Variants in SEMA6B observed in about 807,000 individuals in gnomAD.
SEMA6B encodes semaphorin-6B.
A neutral mutation model predicts 78.6 loss-of-function variants in SEMA6B; 47 were observed. The observed-to-expected ratio is 0.60, with a 90% CI of 0.47 to 0.76. SEMA6B has a LOEUF of 0.76. SEMA6B is among the 30% of genes least tolerant of loss of function. The pLI, the probability that SEMA6B is intolerant of heterozygous loss-of-function variation, is 0.00. For synonymous variants in SEMA6B, 632 were observed against 592.2 expected, an observed-to-expected ratio of 1.07 and a Z score of -0.98; for missense variants, 1,213 against 1,269.9, an observed-to-expected ratio of 0.96 and a Z score of 0.68.
chr19:4,546,327 C>T (rs746016411), intron 15 of SEMA6B, 53 bp from the exon 16 acceptor site: 544 of 1,603,900 alleles, frequency 3.4e-4, no homozygotes, highest in Non-Finnish European at 4.4e-4. Flanking sequence ...AGTCAGAGAT[C>T]AGGGGGATCT....
In SEMA6B at chr19:4,556,087, G is replaced by A. The variant is rs924360166; in HGVS notation, c.372C>T (p.Gly124=). The change falls in exon 6 of 17, where the codon GGC becomes GGT. Residue 124 remains glycine, a splice_region_variant and synonymous_variant. Coordinates refer to ENST00000586582, the MANE Select transcript of SEMA6B (RefSeq NM_032108.4). ...NVCRMKGKQE[G]ECRNFVKVLL... Reference sequence around the variant, plus strand: ...GCACCTTTACGAAGTTTCGACACTCGCCCTGAGGTGGGGACAGGAGGAAGC... The same window carrying A: ...GCACCTTTACGAAGTTTCGACACTCACCCTGAGGTGGGGACAGGAGGAAGC... 4 of 1,611,632 alleles carry A rather than the reference G, an allele frequency of 2.5e-6. No individual in the cohort carries two copies. The highest frequency in any genetic ancestry group is 2.2e-5 in the East Asian group (1 of 44,862).
In SEMA6B at chr19:4,555,190, G is replaced by A; in HGVS notation, c.563-95C>T. On this transcript the variant is annotated intron_variant, in intron 7 of 16. Transcript: ENST00000586582. The surrounding 1 kb of genome is among the most constrained non-coding windows in gnomAD (Gnocchi z 6.1). ...ACTCGATTTTCTGAGACTGAGTCCT[G>A]AGCCTAGGGGAGCCCCTGTCTCCAG... 7.7e-7 allele frequency: 1 copy of A among 1,291,090 alleles called. No individual in the cohort carries two copies. The highest frequency in any genetic ancestry group is 1.3e-5 in the South Asian group (1 of 75,446). The allele number at this position is 1,291,090 out of a possible 1,614,324, so 80.0% of individuals were successfully genotyped here.
rs1304485052 is a variant in SEMA6B, at chr19:4,552,652, G to A, written c.772-13C>T. 1 of 1,587,540 alleles carries A rather than the reference G, an allele frequency of 6.3e-7. No individual in the cohort carries two copies. The highest frequency in any genetic ancestry group is 1.3e-5 in the African/African-American group (1 of 74,592). ...GGGACACCACCACCTGGGCGTGACA[G>A]TGGACGGACGGGGGCCTGAGCTCTG... On this transcript the variant is annotated splice_polypyrimidine_tract_variant and intron_variant, in intron 9 of 16. Transcript: ENST00000586582. The surrounding 1 kb of genome is among the most constrained non-coding windows in gnomAD (Gnocchi z 7.4).
chr19:4,556,473 T>A (rs1236504709), intron 5 of SEMA6B, among the ~76,000 whole-genome samples: 1 of 89,868 alleles, frequency 1.1e-5, no homozygotes, highest in African/African-American at 4.3e-5. Context: ...GTTGGGAGCG[T>A]GGCCAGAGCT....
rs903632668 is a variant in SEMA6B, at chr19:4,542,652, G to C, written c.*949C>G. On this transcript the variant is annotated 3_prime_UTR_variant, in exon 17 of 17. Transcript: ENST00000586582. ...GCTGGGGGAGGCAAACTCCAGAGAG[G>C]GCAGAGGACCCAGCCAGCCACGTGG... 1.5e-5 allele frequency: 9 copies of C among 590,466 alleles called. No homozygotes were observed. The Admixed American group carries it at 1.7e-4, about 11-fold the overall frequency. 36.6% of individuals were successfully genotyped at this position (590,466 alleles called of 1,614,324 possible). A position where few individuals can be genotyped will look rare whatever the true frequency, so the allele number is the denominator to read the frequency against.
At position 4,543,674 on chromosome 19, in the gene SEMA6B, G is replaced by C. The variant is rs754523311; in HGVS notation, c.2594C>G (p.Ala865Gly). ...RPGDRHRGCH[A>G]RPGTDLAHLL... Reference sequence around the variant, plus strand: ...GTGGGCCAAGTCTGTGCCCGGCCGGGCGTGGCAGCCGCGGTGGCGGTCCCC... The same window carrying C: ...GTGGGCCAAGTCTGTGCCCGGCCGGCCGTGGCAGCCGCGGTGGCGGTCCCC... The change falls in exon 17 of 17, where the codon GCC (alanine) becomes GGC (glycine). Residue 865 changes from alanine to glycine, a missense_variant. Ala to Gly is a moderately conservative substitution (Grantham distance 60). Coordinates refer to ENST00000586582, the MANE Select transcript of SEMA6B (RefSeq NM_032108.4). 4.6e-5 allele frequency: 57 copies of C among 1,230,756 alleles called. No homozygotes were observed. The highest frequency in any genetic ancestry group is 5.6e-5 in the Non-Finnish European group (55 of 987,320). The allele number at this position is 1,230,756 out of a possible 1,614,324, so 76.2% of individuals were successfully genotyped here. A position where few individuals can be genotyped will look rare whatever the true frequency, so the allele number is the denominator to read the frequency against.
In SEMA6B at chr19:4,555,847, G is replaced by C; in HGVS notation, c.471+141C>G. ...ACAGCGCTGACTCCTCTTGAGCTCA[G>C]GGGGAGGAGGCAGGGAGAGTATATC... On this transcript the variant is annotated intron_variant, in intron 6 of 16. Transcript: ENST00000586582. The surrounding 1 kb of genome is among the most constrained non-coding windows in gnomAD (Gnocchi z 6.1). 1 of 738,040 alleles carries C rather than the reference G, an allele frequency of 1.4e-6. No homozygotes were observed. 45.7% of individuals were successfully genotyped at this position (738,040 alleles called of 1,614,324 possible).
chr19:4,552,522 C>A lies in SEMA6B; in HGVS notation c.889G>T (p.Asp297Tyr). Residue 297 changes from aspartate to tyrosine, a missense_variant, in exon 10 of 17, where the codon GAC becomes TAC. By Grantham distance (160) the Asp-to-Tyr change is radical (BLOSUM62 -3). Coordinates refer to ENST00000586582, the MANE Select transcript of SEMA6B (RefSeq NM_032108.4). This position sits in a 1 kb window ranked among gnomAD's most constrained non-coding sequence, Gnocchi z 7.4. ...AGCACGTTGAAGTAGAAATGGGAGT[C>A]TCCGGGTACAGAGCAGTTGAGCCGC... ...KARLNCSVPG[D>Y]SHFYFNVLQA... is the part of the protein sequence containing the mutation. 6.2e-7 allele frequency: 1 copy of A among 1,612,864 alleles called. No homozygotes were observed. The highest frequency in any genetic ancestry group is 1.3e-5 in the African/African-American group (1 of 75,060).
chr19:4,550,035 C>G lies in SEMA6B; in HGVS notation c.1271+88G>C, dbSNP rs558574771. 1.5e-6 allele frequency: 2 copies of G among 1,360,974 alleles called. No individual in the cohort carries two copies. The highest frequency in any genetic ancestry group is 2.5e-4 in the Middle Eastern group (1 of 3,990). The allele number at this position is 1,360,974 out of a possible 1,614,324, so 84.3% of individuals were successfully genotyped here. The stretch of plus-strand genomic sequence containing the variant: ...TCTGGGCAGCGCCGGAAGCCATGGG[C>G]TCATCTGTGTTGAGCATCTGGATCC... On this transcript the variant is annotated intron_variant, in intron 12 of 16. Coordinates refer to ENST00000586582, the MANE Select transcript of SEMA6B (RefSeq NM_032108.4). The surrounding 1 kb of genome is among the most constrained non-coding windows in gnomAD (Gnocchi z 6.6).
chr19:4,548,002 C>T (rs376276934), intron 14 of SEMA6B, 25 bp downstream of exon 14: 207 of 1,519,126 alleles, frequency 1.4e-4, no homozygotes, highest in Non-Finnish European at 1.7e-4. Context: ...TTCCCGCCCA[C>T]GGCTGGCCTG....
chr19:4,551,771 G>A (rs1977339079), intron 10 of SEMA6B, among the ~76,000 whole-genome samples: 1 of 151,714 alleles, frequency 6.6e-6, no homozygotes, highest in Non-Finnish European at 1.5e-5. Context: ...AGAGGTTGTG[G>A]TGAGCCGAGA....
rs996356348 is a variant in SEMA6B, at chr19:4,543,220, C to G, written c.*381G>C. ...AGGGCTTAGGTCTGCAGCTGTGGCC[C>G]CCCATTCCCCACCGGCGTCCAAGCC... On this transcript the variant is annotated 3_prime_UTR_variant, in exon 17 of 17. Coordinates refer to ENST00000586582, the MANE Select transcript of SEMA6B (RefSeq NM_032108.4). 28 of 546,994 alleles carry G rather than the reference C, an allele frequency of 5.1e-5. No homozygotes were observed. Among genetic ancestry groups the G allele is most frequent in the Non-Finnish European group, 1.3e-5 (4 of 307,812 alleles). The allele number at this position is 546,994 out of a possible 1,614,324, so 33.9% of individuals were successfully genotyped here.
chr19:4,551,816 T>C (rs1485132347), intron 10 of SEMA6B, among the ~76,000 whole-genome samples: 9 of 130,826 alleles, frequency 6.9e-5, no homozygotes, highest in African/African-American at 2.5e-4. Context: ...GCAACAAGAG[T>C]GAAACTGTCT....
chr19:4,554,923 T>C (rs994208909), intron 8 of SEMA6B, 53 bp downstream of exon 8: 1 of 1,585,838 alleles, frequency 6.3e-7, no homozygotes, highest in East Asian at 2.3e-5. Context: ...ATTTGATGAA[T>C]GTCAGGTTCT....
intron 5 of SEMA6B, 129 bp downstream of exon 5, chr19:4,556,822 G>A (rs1000105664): frequency 7.5e-6 from 6 of 803,924 alleles, no homozygotes; most frequent in Admixed American, 2.3e-5. Context: ...CGGGGCCAGG[G>A]CTGATTGGGG....
chr19:4,552,622 C>T lies in SEMA6B; in HGVS notation c.789G>A (p.Val263=), dbSNP rs775712248. ...CCACGTCGTTCTTGCACACTCGGGC[C>T]ACGCGGGACACCACCACCTGGGCGT... ...NYLEKVVVSR[V]ARVCKNDVGG... is the part of the protein sequence containing the mutation. The change falls in exon 10 of 17, where the codon GTG becomes GTA. Residue 263 remains valine, a synonymous_variant. Coordinates refer to ENST00000586582, the MANE Select transcript of SEMA6B (RefSeq NM_032108.4). This position sits in a 1 kb window ranked among gnomAD's most constrained non-coding sequence, Gnocchi z 7.4. 1 of 1,607,280 alleles carries T rather than the reference C, an allele frequency of 6.2e-7. No homozygotes were observed.
In SEMA6B at chr19:4,550,300, C is replaced by T. The variant is rs758045036; in HGVS notation, c.1122-28G>A. 2.1e-5 allele frequency: 34 copies of T among 1,612,316 alleles called. No individual in the cohort carries two copies. The highest frequency in any genetic ancestry group is 8.3e-5 in the Admixed American group (5 of 59,938). On this transcript the variant is annotated intron_variant, in intron 11 of 16. Coordinates refer to ENST00000586582, the MANE Select transcript of SEMA6B (RefSeq NM_032108.4). This position sits in a 1 kb window ranked among gnomAD's most constrained non-coding sequence, Gnocchi z 6.6. ...GGGGGTGACAAGGGTGTGGTCAGGA[C>T]GAACGTAAAGGTTCTCATAAAGGGG...
chr19:4,559,214 C>G (rs970661993), intron 1 of SEMA6B, among the ~76,000 whole-genome samples: 1 of 146,158 alleles, frequency 6.8e-6, no homozygotes, highest in Non-Finnish European at 1.5e-5. Context: ...AAAAAAGCCA[C>G]AAGCTGGGAA....
In SEMA6B at chr19:4,550,445, C is replaced by T. The variant is rs540766203; in HGVS notation, c.1122-173G>A. ...GCTGGAGTGCTTTGGCTCACTGCAA[C>T]CTCCACCTCCTGGGTTCAAGCGATT... is the stretch of plus-strand genomic sequence containing the variant. On this transcript the variant is annotated intron_variant, in intron 11 of 16. Transcript: ENST00000586582. The surrounding 1 kb of genome is among the most constrained non-coding windows in gnomAD (Gnocchi z 6.6). Among the ~76,000 whole-genome samples the T allele has an allele frequency of 6.6e-6, 1 of 152,080 alleles. No individual in the cohort carries two copies. The highest frequency in any genetic ancestry group is 1.5e-5 in the Non-Finnish European group (1 of 68,006).
Sources: allele counts gnomAD v4.1 joint callset (sites outside exome capture counted in the v4.1 genomes callset), GRCh38; gene constraint gnomAD v4.1.1; non-coding constraint Gnocchi (gnomAD v3.1); transcripts MANE v1.5; gene names NCBI Gene and HGNC (gene_info 2026-07-23, HGNC 2026-07-21).